Variants in AGBL1 observed in about 807,000 individuals in gnomAD.
AGBL1 encodes AGBL carboxypeptidase 1.
A neutral mutation model predicts 118.9 loss-of-function variants in AGBL1; 130 were observed. That is an observed-to-expected ratio of 1.09 (90% CI 0.95 to 1.26). The LOEUF is 1.26. AGBL1 is among the 50% of genes most tolerant of loss of function. AGBL1 has a pLI of 0.00. For missense variants in AGBL1, 1,584 were observed against 1,298.1 expected (o/e 1.22, Z -3.38); for synonymous variants, 555 against 478.9 (o/e 1.16, Z -2.08).
At chr15:86,783,197 TC>T (rs1409820040) in intron 22 of AGBL1, among the ~76,000 whole-genome samples, 4 of 152,206 alleles carry the variant, frequency 2.6e-5, no homozygotes, top group African/African-American at 7.2e-5. Flanking sequence ...GTACTGCCTT[TC>T]CCTTCTTGTT....
intron 22 of AGBL1, among the ~76,000 whole-genome samples, chr15:86,899,989 C>A (rs1195944597): frequency 6.6e-6 from 1 of 152,166 alleles, no homozygotes; most frequent in Non-Finnish European, 1.5e-5. Context: ...CATGGAAGGA[C>A]TAGACTGGCT....
chr15:87,004,277 T>C (rs1446209995), intron 24 of AGBL1, among the ~76,000 whole-genome samples: 1 of 152,156 alleles, frequency 6.6e-6, no homozygotes, highest in African/African-American at 2.4e-5. Context: ...TGAGTGGTTT[T>C]GACAGTGGGG....
At chr15:86,989,747 T>C (rs894616943) in intron 24 of AGBL1, among the ~76,000 whole-genome samples, 13 of 152,236 alleles carry the variant, frequency 8.5e-5, no homozygotes, top group African/African-American at 2.7e-4. Context: ...GTAGGTACTA[T>C]TTTAAAGAAG....
At chr15:86,513,942 GT>G (rs2083084120) in intron 18 of AGBL1, among the ~76,000 whole-genome samples, 1 of 151,898 alleles carries the variant, frequency 6.6e-6, no homozygotes, top group African/African-American at 2.4e-5. Context: ...TATATATTCT[GT>G]TCCAGACTGA....
intron 21 of AGBL1, among the ~76,000 whole-genome samples, chr15:86,656,335 AC>A (rs1372289571): frequency 1.3e-5 from 2 of 152,246 alleles, no homozygotes; most frequent in Admixed American, 1.3e-4. Context: ...AAGAAAGAGC[AC>A]GCTGACAAAA....
intron 22 of AGBL1, among the ~76,000 whole-genome samples, chr15:86,832,930 A>G (rs1397212356): frequency 6.6e-6 from 1 of 152,218 alleles, no homozygotes; most frequent in Non-Finnish European, 1.5e-5. Context: ...AAAGAGGTTT[A>G]ATGGACTCAC....
At chr15:86,108,685 G>T (rs116133471) in intron 1 of AGBL1, among the ~76,000 whole-genome samples, 1 of 152,176 alleles carries the variant, frequency 6.6e-6, no homozygotes, top group Admixed American at 6.5e-5. Flanking sequence ...ATGGCCAGGC[G>T]CAGTGGCTCA....
chr15:86,483,722 G>T (rs1440097737), intron 18 of AGBL1, among the ~76,000 whole-genome samples: 1 of 152,092 alleles, frequency 6.6e-6, no homozygotes, highest in Admixed American at 6.6e-5. Flanking sequence ...TAGATGAAAT[G>T]GTTCAAGCAC....
intron 17 of AGBL1, among the ~76,000 whole-genome samples, chr15:86,359,223 A>T (rs1231907537): frequency 6.6e-6 from 1 of 151,848 alleles, no homozygotes. Context: ...GTCCAATTTT[A>T]TTCTTCAGCA....
intron 15 of AGBL1, among the ~76,000 whole-genome samples, chr15:86,277,002 T>C (rs1004418659): frequency 2.0e-5 from 3 of 152,164 alleles, no homozygotes; most frequent in African/African-American, 7.2e-5. Context: ...CCTGGACAAC[T>C]CCTGCTACAA....
chr15:87,017,662 G>T (rs1399093631), intron 24 of AGBL1, among the ~76,000 whole-genome samples: 2 of 152,188 alleles, frequency 1.3e-5, no homozygotes, highest in East Asian at 3.9e-4. Flanking sequence ...CTCAAAGATG[G>T]AAGGTAGTTA....
chr15:86,420,655 C>G (rs113042251), intron 18 of AGBL1, among the ~76,000 whole-genome samples: 3,400 of 152,256 alleles, frequency 0.022, 50 homozygotes, highest in Middle Eastern at 0.065. Flanking sequence ...TGGTTAATCA[C>G]AAACTCCTCT....
intron 21 of AGBL1, among the ~76,000 whole-genome samples, chr15:86,558,135 A>G (rs1335236086): frequency 6.6e-6 from 1 of 152,144 alleles, no homozygotes; most frequent in African/African-American, 2.4e-5. Flanking sequence ...TTATGGACAC[A>G]TTCTAATAAC....
intron 18 of AGBL1, among the ~76,000 whole-genome samples, chr15:86,443,539 A>G (rs1322145321): frequency 6.6e-6 from 1 of 152,194 alleles, no homozygotes; most frequent in Admixed American, 6.5e-5. Context: ...ACAGAACACC[A>G]GAATTTATTC....
chr15:86,728,512 A>G (rs1437681632), intron 22 of AGBL1, among the ~76,000 whole-genome samples: 1 of 152,158 alleles, frequency 6.6e-6, no homozygotes, highest in African/African-American at 2.4e-5. Context: ...TTTCGCCTCC[A>G]GCATCTTTTC....
intron 23 of AGBL1, among the ~76,000 whole-genome samples, chr15:86,922,201 T>G (rs377553293): frequency 6.6e-6 from 1 of 152,214 alleles, no homozygotes; most frequent in East Asian, 1.9e-4. Flanking sequence ...TGCCTTAATA[T>G]TATTAGTAAT....
intron 1 of AGBL1, among the ~76,000 whole-genome samples, chr15:86,101,072 C>T (rs1251667155): frequency 6.6e-6 from 1 of 152,038 alleles, no homozygotes; most frequent in African/African-American, 2.4e-5. Flanking sequence ...TTTCAATTTT[C>T]CTTTGTTTCA....
At chr15:86,807,480 ACTT>A (rs1007013798) in intron 22 of AGBL1, among the ~76,000 whole-genome samples, 112 of 151,560 alleles carry the variant, frequency 7.4e-4, no homozygotes, top group Non-Finnish European at 3.7e-4. Context: ...ACAGAAAAGA[ACTT>A]TTTTTTTTTG....
chr15:86,605,708 T>C (rs772809019), intron 21 of AGBL1, among the ~76,000 whole-genome samples: 2 of 152,122 alleles, frequency 1.3e-5, no homozygotes, highest in Non-Finnish European at 2.9e-5. Flanking sequence ...TTTCAGAATA[T>C]CGCAAAAAGT....
Sources: gnomAD v4.1 joint callset for allele counts (sites outside exome capture counted in the v4.1 genomes callset) on GRCh38, gnomAD v4.1.1 for gene constraint, MANE v1.5 for transcripts, NCBI Gene and HGNC (gene_info 2026-07-23, HGNC 2026-07-21) for gene names.